Variants in NRG4 observed in about 807,000 individuals in gnomAD.
The protein encoded by NRG4 is pro-neuregulin-4, membrane-bound isoform.
NRG4 carries 10 observed loss-of-function variants against 15.0 expected under a neutral mutation model. The observed-to-expected ratio is 0.67, with a 90% confidence interval of 0.41 to 1.13. The LOEUF is 1.13. Among genes scored for constraint, NRG4 ranks in the 50% most tolerant of loss-of-function variants. The pLI, the probability that NRG4 is intolerant of heterozygous loss-of-function variation, is 0.00. For synonymous variants in NRG4, 41 were observed against 50.1 expected (o/e 0.82, Z 0.77); for missense variants, 139 against 140.2 (o/e 0.99, Z 0.04).
intron 1 of NRG4, among the ~76,000 whole-genome samples, chr15:76,058,671 T>C (rs2036215625): frequency 6.6e-6 from 1 of 152,172 alleles, no homozygotes; most frequent in Non-Finnish European, 1.5e-5. Context: ...ATCAAACCTA[T>C]CTGCAGAGCC....
intron 4 of NRG4, among the ~76,000 whole-genome samples, chr15:76,045,256 T>C (rs1203156279): frequency 6.6e-6 from 1 of 151,014 alleles, no homozygotes; most frequent in Non-Finnish European, 1.5e-5. Context: ...CTTACATCAG[T>C]TAAAATGGCT....
intron 5 of NRG4, among the ~76,000 whole-genome samples, chr15:76,019,279 G>T (rs1459772186): frequency 1.3e-5 from 2 of 152,104 alleles, no homozygotes; most frequent in African/African-American, 2.4e-5. Flanking sequence ...CCGTGGGGGT[G>T]GGATCTGCTG....
At chr15:76,053,286 C>T (rs1001551943) in intron 2 of NRG4, 18 of 151,136 alleles carry the variant, frequency 1.2e-4, no homozygotes, top group East Asian at 1.9e-4. Context: ...CTGAATCACA[C>T]TGCCCAAGTT....
chr15:76,060,073 C>T (rs1182186913), upstream of NRG4: 3 of 145,218 alleles, frequency 2.1e-5, no homozygotes, highest in African/African-American at 7.8e-5. Flanking sequence ...CTGCCCGAGT[C>T]TTGTGGTCGG....
At chr15:75,953,796 A>G (rs1365003544) in intron 5 of NRG4, among the ~76,000 whole-genome samples, 1 of 151,994 alleles carries the variant, frequency 6.6e-6, no homozygotes, top group Non-Finnish European at 1.5e-5. Flanking sequence ...GGGCTCAAGC[A>G]ATTCTCCCAC....
At chr15:76,035,552 T>G (rs2035579123) in intron 5 of NRG4, among the ~76,000 whole-genome samples, 1 of 152,024 alleles carries the variant, frequency 6.6e-6, no homozygotes, top group Non-Finnish European at 1.5e-5. Context: ...TGGTGAAATT[T>G]CAGACTCGGT....
intron 3 of NRG4, among the ~76,000 whole-genome samples, chr15:75,985,629 T>G (rs2141859896): frequency 6.6e-6 from 1 of 152,316 alleles, no homozygotes; most frequent in East Asian, 1.9e-4. Flanking sequence ...GAGAACTGTA[T>G]GCCAACTAAG....
Position 75,943,135 on chromosome 15 carries a change from T to C in NRG4, c.*503A>G, listed in dbSNP as rs1207509273. Reference sequence around the variant, plus strand: ...ATTTTCATCAATATTGAAAGAATGATACAGAGGTATCTATCAGTCAGCGCT... The same window carrying C: ...ATTTTCATCAATATTGAAAGAATGACACAGAGGTATCTATCAGTCAGCGCT... On this transcript the variant is annotated 3_prime_UTR_variant, in exon 6 of 6. Coordinates refer to ENST00000394907, the MANE Select transcript of NRG4 (RefSeq NM_138573.4). 1 of 152,612 alleles carries C rather than the reference T, an allele frequency of 6.6e-6. No individual in the cohort carries two copies. The highest frequency in any genetic ancestry group is 2.4e-5 in the African/African-American group (1 of 41,468). The allele number at this position is 152,612 out of a possible 1,614,324, so 9.5% of individuals were successfully genotyped here. A position where few individuals can be genotyped will look rare whatever the true frequency, so the allele number is the denominator to read the frequency against.
intron 3 of NRG4, among the ~76,000 whole-genome samples, chr15:75,975,833 G>T (rs1324000496): frequency 6.6e-6 from 1 of 151,862 alleles, no homozygotes; most frequent in Admixed American, 6.6e-5. Context: ...TATGTGTCTT[G>T]GGGTTGCTCT....
intron 3 of NRG4, among the ~76,000 whole-genome samples, chr15:76,007,485 A>C (rs1033179908): frequency 6.8e-6 from 1 of 146,166 alleles, no homozygotes; most frequent in African/African-American, 2.6e-5. Context: ...GCTGGAGTGC[A>C]GCGGTGTGAT....
intron 3 of NRG4, among the ~76,000 whole-genome samples, chr15:75,988,502 T>C (rs2033885834): frequency 6.6e-6 from 1 of 152,192 alleles, no homozygotes; most frequent in African/African-American, 2.4e-5. Flanking sequence ...CTCCTTCTAA[T>C]GTTCTTAGTT....
intron 4 of NRG4, among the ~76,000 whole-genome samples, chr15:76,046,751 T>G (rs567973524): frequency 2.6e-5 from 4 of 151,124 alleles, no homozygotes; most frequent in African/African-American, 7.4e-5. Flanking sequence ...GACATTGGTC[T>G]GGGTAAAGAT....
chr15:76,027,904 A>T (rs367738337), intron 5 of NRG4, among the ~76,000 whole-genome samples: 16 of 152,214 alleles, frequency 1.1e-4, no homozygotes, highest in East Asian at 9.6e-4. Flanking sequence ...TGGAAATTAA[A>T]CACCACCCTG....
intron 3 of NRG4, among the ~76,000 whole-genome samples, chr15:75,970,656 C>T (rs941467865): frequency 3.3e-5 from 5 of 152,242 alleles, no homozygotes; most frequent in African/African-American, 1.2e-4. Flanking sequence ...CTTCTCCCAT[C>T]AGAGTCCCAC....
chr15:75,952,453 A>T (rs558165909), intron 5 of NRG4, among the ~76,000 whole-genome samples: 17 of 152,354 alleles, frequency 1.1e-4, no homozygotes, highest in African/African-American at 4.1e-4. Flanking sequence ...CATAGTAGGA[A>T]TATAACACAT....
chr15:76,009,331 T>C (rs777559440), intron 2 of NRG4, 38 bp from the exon 3 acceptor site: 1 of 1,008,844 alleles, frequency 9.9e-7, no homozygotes, highest in Admixed American at 2.6e-5. Context: ...GAAAAGCAAA[T>C]TAAAGTTTTC....
chr15:76,003,057 A>T (rs1285457637), intron 3 of NRG4, among the ~76,000 whole-genome samples: 1 of 152,162 alleles, frequency 6.6e-6, no homozygotes, highest in East Asian at 1.9e-4. Flanking sequence ...AATAGATTCC[A>T]TGAAGGGCCA....
intron 1 of NRG4, among the ~76,000 whole-genome samples, chr15:76,058,989 G>A (rs1426218787): frequency 2.6e-5 from 4 of 152,010 alleles, no homozygotes; most frequent in African/African-American, 7.3e-5. Flanking sequence ...CCGGTAACTG[G>A]CAATCATGGC....
At chr15:75,936,027 TC>T (rs1170141268), downstream of NRG4, 1 of 152,146 alleles carries the variant, frequency 6.6e-6, no homozygotes, top group African/African-American at 2.4e-5. Flanking sequence ...GACCTTGTGA[TC>T]CGCCCGCCTC....
Sources: gnomAD v4.1 joint callset for allele counts (sites outside exome capture counted in the v4.1 genomes callset) on GRCh38, gnomAD v4.1.1 for gene constraint, MANE v1.5 for transcripts, NCBI Gene and HGNC (gene_info 2026-07-23, HGNC 2026-07-21) for gene names.